JAK2: variants seen among roughly 807,000 people sequenced by gnomAD.
JAK2 encodes the protein Janus kinase 2.
A neutral mutation model predicts 139.3 loss-of-function variants in JAK2; 86 were observed. The observed-to-expected ratio is 0.62, with a 90% CI of 0.52 to 0.74. JAK2 has a LOEUF of 0.74. Ranked by LOEUF, JAK2 falls within the 30% of genes least tolerant of loss-of-function variation. The probability of loss-of-function intolerance (pLI) is 0.00; values close to 1 mark genes in which losing one functional copy is unlikely to be tolerated. For missense variants in JAK2, 1,421 were observed against 1,360.3 expected (o/e 1.04, Z -0.70); for synonymous variants, 490 against 437.7 (o/e 1.12, Z -1.49).
chr9:5,044,041 A>C (rs1024406690), intron 4 of JAK2, among the ~76,000 whole-genome samples: 2 of 152,230 alleles, frequency 1.3e-5, no homozygotes, highest in Non-Finnish European at 2.9e-5. Context: ...CATTTCTCCA[A>C]ATAAGCAATT....
chr9:5,107,388 C>A (rs1172744260), intron 22 of JAK2, among the ~76,000 whole-genome samples: 1 of 152,046 alleles, frequency 6.6e-6, no homozygotes, highest in Non-Finnish European at 1.5e-5. Flanking sequence ...CCATAAAATT[C>A]TTCCTAGTAG....
intron 15 of JAK2, among the ~76,000 whole-genome samples, chr9:5,077,964 C>T (rs564963727): frequency 6.6e-6 from 1 of 152,262 alleles, no homozygotes; most frequent in East Asian, 1.9e-4. Flanking sequence ...AGTCATCAGA[C>T]CCCTCAGGGT....
intron 2 of JAK2, among the ~76,000 whole-genome samples, chr9:5,004,293 G>T (rs1821127226): frequency 6.6e-6 from 1 of 152,002 alleles, no homozygotes; most frequent in African/African-American, 2.4e-5. Flanking sequence ...CTCCTAATGG[G>T]ACCCTCAGCC....
At chr9:4,990,378 G>GT (rs1286297187) in intron 2 of JAK2, among the ~76,000 whole-genome samples, 1 of 152,204 alleles carries the variant, frequency 6.6e-6, no homozygotes, top group Non-Finnish European at 1.5e-5. Flanking sequence ...AGTTATGGCA[G>GT]TGTTAGTAGC....
chr9:5,090,529 G>C lies in JAK2; in HGVS notation c.2845G>C (p.Asp949His). The C allele has an allele frequency of 2.5e-6, 4 of 1,596,148 alleles. No individual in the cohort carries two copies. Among genetic ancestry groups the C allele is most frequent in the Non-Finnish European group, 3.4e-6 (4 of 1,171,108 alleles). The change falls in exon 21 of 25, where the codon GAT (aspartate) becomes CAT (histidine). Residue 949 changes from aspartate to histidine, a missense_variant. By Grantham distance (81) the Asp-to-His change is moderately conservative. Coordinates refer to ENST00000381652, the MANE Select transcript of JAK2 (RefSeq NM_004972.4). ...TCTTCAAAAACATAAAGAACGGATA[G>C]ATCACATAAAACTTCTGCAGTACAC... ...DYLQKHKERI[D>H]HIKLLQYTSQ...
At chr9:5,110,827 T>G in intron 22 of JAK2, 1 of 444,182 alleles carries the variant, frequency 2.3e-6, no homozygotes, top group East Asian at 5.4e-5. Context: ...CATCGCCCGT[T>G]TGTTCGGGGA....
Position 5,048,303 on chromosome 9 carries a change from G to A in JAK2, c.469-2383G>A, listed in dbSNP as rs368706070. ...ATTACAGGTGCCTGCCACTACGCCCGGCTAATTTTTTGTATTTTTAGTAGA... is the reference window on the plus strand; with the variant it reads ...ATTACAGGTGCCTGCCACTACGCCCAGCTAATTTTTTGTATTTTTAGTAGA... On this transcript the variant is annotated intron_variant, in intron 5 of 24. Coordinates refer to ENST00000381652, the MANE Select transcript of JAK2 (RefSeq NM_004972.4). 6.8e-3 allele frequency among the ~76,000 whole-genome samples: 1,028 copies of A among 151,926 alleles called. 10 individuals are homozygous for A. The highest frequency in any genetic ancestry group is 0.024 in the African/African-American group (983 of 41,406).
Position 5,078,357 on chromosome 9 carries a change from A to C in JAK2, c.2044A>C (p.Ile682Leu). 6.2e-7 allele frequency: 1 copy of C among 1,612,476 alleles called. No individual in the cohort carries two copies. The highest frequency in any genetic ancestry group is 8.5e-7 in the Non-Finnish European group (1 of 1,178,672). The change falls in exon 16 of 25, where the codon ATC becomes CTC. Residue 682 changes from isoleucine to leucine, a missense_variant. Physicochemically the swap from Ile to Leu is conservative, Grantham distance 5. Transcript: ENST00000381652. ...TGTATGTGCCAAAAATATTCTGCTT[A>C]TCAGAGAAGAAGACAGGAAGACAGG... ...GNVCAKNILL[I>L]REEDRKTGNP...
chr9:5,094,684 C>G (rs1288050212), intron 22 of JAK2: 1 of 152,170 alleles, frequency 6.6e-6, no homozygotes, highest in Non-Finnish European at 1.5e-5. Context: ...GAAAGAGAAT[C>G]AGAACTAGTT....
chr9:4,997,520 G>C (rs1208963545), intron 2 of JAK2, among the ~76,000 whole-genome samples: 2 of 152,124 alleles, frequency 1.3e-5, no homozygotes, highest in African/African-American at 4.8e-5. Context: ...CACCAAGGGG[G>C]ATGTTGCTAA....
intron 22 of JAK2, among the ~76,000 whole-genome samples, chr9:5,093,778 C>T (rs904259922): frequency 5.3e-5 from 8 of 152,096 alleles, no homozygotes; most frequent in East Asian, 1.9e-4. Context: ...ATAGGGTTTA[C>T]GACCTCGATG....
At chr9:5,083,716 C>G (rs969512126) in intron 19 of JAK2, among the ~76,000 whole-genome samples, 1 of 152,016 alleles carries the variant, frequency 6.6e-6, no homozygotes, top group African/African-American at 2.4e-5. Context: ...AAGAATACAT[C>G]AAAAGATCAC....
intron 2 of JAK2, among the ~76,000 whole-genome samples, chr9:4,998,071 A>C (rs1164735871): frequency 6.6e-6 from 1 of 152,172 alleles, no homozygotes; most frequent in Non-Finnish European, 1.5e-5. Context: ...GATTTTTTTG[A>C]ATATCAATAG....
chr9:5,032,407 C>G (rs1823228046), intron 4 of JAK2, among the ~76,000 whole-genome samples: 1 of 152,180 alleles, frequency 6.6e-6, no homozygotes, highest in Non-Finnish European at 1.5e-5. Context: ...AGTGGTTCTC[C>G]CAGAATGCAG....
chr9:5,040,023 A>T (rs1299950322), intron 4 of JAK2, among the ~76,000 whole-genome samples: 2 of 152,232 alleles, frequency 1.3e-5, no homozygotes, highest in Non-Finnish European at 2.9e-5. Context: ...GAAACAATAC[A>T]AAGTTTGAAG....
rs779963183 is a variant in JAK2, at chr9:5,080,577, G to C, written c.2328G>C (p.Lys776Asn). ...YEDRHQLPAP[K>N]WAELANLINN... ...ATAGGCATCAGCTTCCTGCACCAAA[G>C]TGGGCAGAATTAGCAAACCTTATAA... The change falls in exon 18 of 25, where the codon AAG becomes AAC. Residue 776 changes from lysine to asparagine, a missense_variant. By Grantham distance (94) the Lys-to-Asn change is moderately conservative. Coordinates refer to ENST00000381652, the MANE Select transcript of JAK2 (RefSeq NM_004972.4). 6.2e-7 allele frequency: 1 copy of C among 1,602,022 alleles called. No homozygotes were observed. Among genetic ancestry groups the C allele is most frequent in the Non-Finnish European group, 8.5e-7 (1 of 1,177,012 alleles).
intron 2 of JAK2, among the ~76,000 whole-genome samples, chr9:5,015,283 A>G (rs775358124): frequency 6.6e-6 from 1 of 152,226 alleles, no homozygotes; most frequent in Non-Finnish European, 1.5e-5. Flanking sequence ...TTGTAACTAG[A>G]CGTAGAATTG....
rs773675185 is a variant in JAK2 at position 5,021,998 on chromosome 9, C to T, written c.11C>T (p.Ala4Val). Residue 4 changes from alanine (A) to valine (V), a missense_variant, in exon 3 of 25, where the codon GCC (alanine) becomes GTC (valine). Ala to Val is a moderately conservative substitution (Grantham distance 64). Coordinates refer to ENST00000381652, the MANE Select transcript of JAK2 (RefSeq NM_004972.4). ...TGAAAAAGACTCTGCATGGGAATGG[C>T]CTGCCTTACGATGACAGAAATGGAG... MGM[A>V]CLTMTEMEGT... The T allele has an allele frequency of 2.5e-6, 4 of 1,612,946 alleles. No homozygotes were observed. Among genetic ancestry groups the T allele is most frequent in the Non-Finnish European group, 2.5e-6 (3 of 1,179,060 alleles).
chr9:4,997,701 G>A (rs1482275670), intron 2 of JAK2, among the ~76,000 whole-genome samples: 5 of 152,144 alleles, frequency 3.3e-5, no homozygotes, highest in African/African-American at 1.2e-4. Flanking sequence ...GAATATATTG[G>A]TTTTATAAAG....
Sources: gnomAD v4.1 joint callset for allele counts (sites outside exome capture counted in the v4.1 genomes callset) on GRCh38, gnomAD v4.1.1 for gene constraint, MANE v1.5 for transcripts, NCBI Gene and HGNC (gene_info 2026-07-23, HGNC 2026-07-21) for gene names.